The following GHR variants were observed in gnomAD, a reference collection of about 807,000 sequenced individuals.
The protein encoded by GHR is GH receptor.
In GHR, 35 loss-of-function variants were observed where a neutral mutation model predicts 67.1. The ratio of observed to expected loss-of-function variants is 0.52; its 90% CI spans 0.40 to 0.69. The LOEUF (loss-of-function observed/expected upper bound fraction) is 0.69, where lower values mean the gene tolerates loss of function less well. Among genes scored for constraint, GHR ranks in the 30% least tolerant of loss-of-function variants. The pLI is 0.00. For synonymous variants in GHR, 272 were observed against 269.1 expected (o/e 1.01, Z -0.10); for missense variants, 792 against 764.6 (o/e 1.04, Z -0.42).
chr5:42,430,607 C>CGTGTGTGT (rs141602161), intron 1 of GHR, among the ~76,000 whole-genome samples: 3,813 of 147,448 alleles, frequency 0.026, 86 homozygotes, highest in East Asian at 0.051. Flanking sequence ...ATGCTAGTCC[C>CGTGTGTGT]GTGTGTGTGT....
At chr5:42,610,658 T>C (rs1185370041) in intron 2 of GHR, among the ~76,000 whole-genome samples, 1 of 139,724 alleles carries the variant, frequency 7.2e-6, no homozygotes, top group African/African-American at 2.7e-5. Context: ...ACAGGTCTAA[T>C]CCCAGTGGAA....
chr5:42,431,885 T>G (rs1743112493), intron 1 of GHR, among the ~76,000 whole-genome samples: 1 of 152,114 alleles, frequency 6.6e-6, no homozygotes, highest in Non-Finnish European at 1.5e-5. Flanking sequence ...AAAAGGTACT[T>G]TTATGTACTT....
At chr5:42,693,466 C>A (rs1040946368) in intron 4 of GHR, among the ~76,000 whole-genome samples, 1 of 152,082 alleles carries the variant, frequency 6.6e-6, no homozygotes, top group African/African-American at 2.4e-5. Context: ...AGAGTCTCAA[C>A]CAAAGCAGCA....
chr5:42,496,232 C>G (rs1346545793), intron 1 of GHR, among the ~76,000 whole-genome samples: 1 of 152,156 alleles, frequency 6.6e-6, no homozygotes, highest in Non-Finnish European at 1.5e-5. Context: ...GCATTCAAAG[C>G]AGAGAGAATT....
chr5:42,423,760 A>C lies in GHR; in HGVS notation c.-207A>C. ...AGCAGGGCGCAGCCATGGGAAGAGG[A>C]GGAGGGCTAGGGAGCGGCGGCGGCG... On this transcript the variant is annotated 5_prime_UTR_variant, in exon 1 of 10. Coordinates refer to ENST00000230882, the MANE Select transcript of GHR (RefSeq NM_000163.5). The C allele has an allele frequency of 6.3e-6, 1 of 158,856 alleles. No individual in the cohort carries two copies. Among genetic ancestry groups the C allele is most frequent in the Non-Finnish European group, 1.4e-5 (1 of 73,092 alleles). 9.8% of individuals were successfully genotyped at this position (158,856 alleles called of 1,614,324 possible).
intron 3 of GHR, among the ~76,000 whole-genome samples, chr5:42,644,681 A>G (rs1034324159): frequency 1.3e-5 from 2 of 152,072 alleles, no homozygotes; most frequent in Admixed American, 1.3e-4. Context: ...GCTTTTAGAG[A>G]TACATACCTA....
In GHR at chr5:42,718,959, C is replaced by A. The variant is rs778616140; in HGVS notation, c.1452C>A (p.Ile484=). ...GCAATCCAAGTTCACTGTCAAACAT[C>A]GACTTTTATGCCCAGGTGAGCGACA... ...QLSNPSSLSN[I]DFYAQVSDIT... is the part of the protein sequence containing the mutation. Residue 484 remains isoleucine (I), a synonymous_variant, in exon 10 of 10, where the codon ATC becomes ATA. Transcript: ENST00000230882. 3 of 1,613,444 alleles carry A rather than the reference C, an allele frequency of 1.9e-6. No individual in the cohort carries two copies. The highest frequency in any genetic ancestry group is 2.5e-6 in the Non-Finnish European group (3 of 1,179,520).
intron 3 of GHR, among the ~76,000 whole-genome samples, chr5:42,658,936 T>C (rs527640002): frequency 6.6e-6 from 1 of 152,314 alleles, no homozygotes; most frequent in East Asian, 1.9e-4. Context: ...TGGTAGGTTA[T>C]GAAGAGAGTT....
chr5:42,482,860 C>T (rs981458147), intron 1 of GHR, among the ~76,000 whole-genome samples: 2 of 152,224 alleles, frequency 1.3e-5, no homozygotes, highest in Non-Finnish European at 2.9e-5. Flanking sequence ...CCTGCTTTGG[C>T]TCGCACTCGG....
chr5:42,552,736 A>T (rs62370651), intron 1 of GHR, among the ~76,000 whole-genome samples: 1,635 of 152,302 alleles, frequency 0.011, 18 homozygotes, highest in Non-Finnish European at 0.016. Context: ...GAAAACAAGA[A>T]TCAGAAGGTC....
At chr5:42,520,102 T>C (rs1747411059) in intron 1 of GHR, among the ~76,000 whole-genome samples, 1 of 152,204 alleles carries the variant, frequency 6.6e-6, no homozygotes, top group African/African-American at 2.4e-5. Context: ...AGTTGGAATA[T>C]TAGTCCAATA....
chr5:42,557,225 T>TA (rs1254067242), intron 1 of GHR, among the ~76,000 whole-genome samples: 1 of 152,158 alleles, frequency 6.6e-6, no homozygotes. Context: ...TGCCTTATCC[T>TA]AGGAGATATA....
chr5:42,612,141 T>C (rs1262553469), intron 2 of GHR, among the ~76,000 whole-genome samples: 1 of 152,172 alleles, frequency 6.6e-6, no homozygotes, highest in African/African-American at 2.4e-5. Context: ...GTTGAATGAA[T>C]AAACAGTATT....
At position 42,694,975 on chromosome 5, in the gene GHR, GA is replaced by G; in HGVS notation, c.329del (p.Asn110ThrfsTer20). ...ATGCCCTGATTATGTTTCTGCTGGG[GA>G]AAACAGCTGTTACTTTAATTCATCG... ...KECPDYVSAG[E>X]NSCYFNSSFT... On this transcript the variant is annotated frameshift_variant, in exon 5 of 10. Transcript: ENST00000230882. LOFTEE classifies it high-confidence loss of function. 1 of 1,611,326 alleles carries G rather than the reference GA, an allele frequency of 6.2e-7. No individual in the cohort carries two copies. The highest frequency in any genetic ancestry group is 2.2e-5 in the East Asian group (1 of 44,856).
rs5867589 is a variant in GHR at position 42,495,077 on chromosome 5, G to GC, written c.-11-70777dup. 1.6e-3 allele frequency among the ~76,000 whole-genome samples: 243 copies of GC among 151,664 alleles called. 3 individuals carry two copies. The East Asian group carries it at 0.045, about 28-fold the overall frequency. ...TAAGTGACACATTGCCAATTCCCAC[G>GC]CCCCCCCCCCATTTTCTTTGATGGA... is the stretch of plus-strand genomic sequence containing the variant. On this transcript the variant is annotated intron_variant, in intron 1 of 9. Coordinates refer to ENST00000230882, the MANE Select transcript of GHR (RefSeq NM_000163.5).
chr5:42,636,505 T>G (rs1012446463), intron 3 of GHR, among the ~76,000 whole-genome samples: 2 of 152,172 alleles, frequency 1.3e-5, no homozygotes, highest in Admixed American at 6.5e-5. Context: ...CCCACTGATT[T>G]GCTGCTTAAT....
At chr5:42,714,313 A>G (rs1195870283) in intron 8 of GHR, 2 of 152,200 alleles carry the variant, frequency 1.3e-5, no homozygotes, top group South Asian at 2.1e-4. Context: ...GTTTTTAGCA[A>G]TGCAAGTCCG....
chr5:42,504,189 C>A (rs1746657012), intron 1 of GHR, among the ~76,000 whole-genome samples: 1 of 151,976 alleles, frequency 6.6e-6, no homozygotes, highest in South Asian at 2.1e-4. Flanking sequence ...ATGCATTGCC[C>A]AGGTTGAATA....
intron 5 of GHR, 81 bp downstream of exon 5, chr5:42,695,170 A>G (rs1427035933): frequency 1.1e-6 from 1 of 934,984 alleles, no homozygotes; most frequent in Non-Finnish European, 1.8e-6. Context: ...AGTATAATCA[A>G]GTAGGAAGAC....
Sources: gnomAD v4.1 joint callset for allele counts (sites outside exome capture counted in the v4.1 genomes callset) on GRCh38, gnomAD v4.1.1 for gene constraint, MANE v1.5 for transcripts, NCBI Gene and HGNC (gene_info 2026-07-23, HGNC 2026-07-21) for gene names.